The following PLA2R1 variants were observed in gnomAD, a reference collection of about 807,000 sequenced individuals.
The protein encoded by PLA2R1 is secretory phospholipase A2 receptor.
In PLA2R1, 158 loss-of-function variants were observed where a neutral mutation model predicts 195.9. The observed-to-expected ratio is 0.81, with a 90% CI of 0.71 to 0.92. PLA2R1 has a LOEUF of 0.92. Ranked by LOEUF, PLA2R1 falls within the 40% of genes least tolerant of loss-of-function variation. The pLI, the probability that PLA2R1 is intolerant of heterozygous loss-of-function variation, is 0.00. For missense variants in PLA2R1, 1,626 were observed against 1,764.6 expected (o/e 0.92, Z 1.41); for synonymous variants, 586 against 598.2 (o/e 0.98, Z 0.30).
intron 17 of PLA2R1, among the ~76,000 whole-genome samples, chr2:159,972,854 C>G (rs988023648): frequency 6.6e-6 from 1 of 152,130 alleles, no homozygotes. Context: ...TTCTGTTACT[C>G]AAAGAGTGGG....
chr2:159,956,640 G>T lies in PLA2R1; in HGVS notation c.2905-13C>A. The T allele has an allele frequency of 1.4e-6, 2 of 1,461,606 alleles. No homozygotes were observed. The highest frequency in any genetic ancestry group is 1.9e-6 in the Non-Finnish European group (2 of 1,040,922). 90.5% of individuals were successfully genotyped at this position (1,461,606 alleles called of 1,614,324 possible). ...TCAGCAGAAGGCACTATCAAAAAAT[G>T]TCAAAACAAAACATTCATTTCTGTA... On this transcript the variant is annotated splice_polypyrimidine_tract_variant and intron_variant, in intron 20 of 29. Coordinates refer to ENST00000283243, the MANE Select transcript of PLA2R1 (RefSeq NM_007366.5).
At chr2:160,031,912 G>A (rs1693874398) in intron 4 of PLA2R1, among the ~76,000 whole-genome samples, 1 of 152,114 alleles carries the variant, frequency 6.6e-6, no homozygotes, top group African/African-American at 2.4e-5. Context: ...GACTACGGGT[G>A]CATGCCACCA....
chr2:159,967,409 T>C (rs1688859547), intron 20 of PLA2R1, 130 bp downstream of exon 20: 2 of 684,342 alleles, frequency 2.9e-6, no homozygotes, highest in South Asian at 4.8e-5. Flanking sequence ...TTCTTGAAAG[T>C]TGTGACAAAA....
intron 7 of PLA2R1, among the ~76,000 whole-genome samples, 155 bp from the exon 8 acceptor site, chr2:160,020,418 G>A (rs891450100): frequency 4.6e-5 from 7 of 152,114 alleles, no homozygotes; most frequent in African/African-American, 1.7e-4. Flanking sequence ...TAAAATGTCT[G>A]TTTAAACATT....
intron 23 of PLA2R1, among the ~76,000 whole-genome samples, chr2:159,954,887 C>A (rs1225506260): frequency 6.6e-6 from 1 of 152,038 alleles, no homozygotes; most frequent in Non-Finnish European, 1.5e-5. Context: ...TTCTCAGTGA[C>A]CTTTAAAAAT....
At chr2:159,931,373 T>G, downstream of PLA2R1, among the ~76,000 whole-genome samples, 1 of 152,078 alleles carries the variant, frequency 6.6e-6, no homozygotes, top group Non-Finnish European at 1.5e-5. Context: ...CCACAAAAGT[T>G]TTTTTAAATA....
chr2:159,947,043 G>C, intron 26 of PLA2R1, 126 bp from the exon 27 acceptor site: 1 of 651,458 alleles, frequency 1.5e-6, no homozygotes. Context: ...TTATAAAGAA[G>C]AGACTTTAAA....
intron 12 of PLA2R1, 150 bp from the exon 13 acceptor site, chr2:159,984,223 T>G (rs1317784252): frequency 2.1e-6 from 1 of 483,282 alleles, no homozygotes; most frequent in Non-Finnish European, 3.7e-6. Flanking sequence ...TTTACTGAAT[T>G]AGAATGTGCC....
chr2:159,938,131 G>A lies in PLA2R1; in HGVS notation c.*3647C>T, dbSNP rs1686920064. ...ATGCTCCTGTATTCCTTAGGCATGTGTCCCCAGTTTGAGGACTTTTGACTT... is the reference window on the plus strand; with the variant it reads ...ATGCTCCTGTATTCCTTAGGCATGTATCCCCAGTTTGAGGACTTTTGACTT... On this transcript the variant is annotated 3_prime_UTR_variant, in exon 30 of 30. Coordinates refer to ENST00000283243, the MANE Select transcript of PLA2R1 (RefSeq NM_007366.5). The A allele has an allele frequency of 6.6e-6, 1 of 152,196 alleles. No individual in the cohort carries two copies. Among genetic ancestry groups the A allele is most frequent in the Admixed American group, 6.5e-5 (1 of 15,278 alleles). The allele number at this position is 152,196 out of a possible 1,614,324, so 9.4% of individuals were successfully genotyped here.
intron 1 of PLA2R1, 51 bp downstream of exon 1, chr2:160,062,244 C>G: frequency 7.7e-7 from 1 of 1,305,150 alleles, no homozygotes; most frequent in South Asian, 1.6e-5. Flanking sequence ...TCGACCACCC[C>G]GACCCCCCTC....
Position 159,987,207 on chromosome 2 carries a change from G to T in PLA2R1, c.1986C>A (p.His662Gln). Residue 662 changes from histidine (H) to glutamine (Q), a missense_variant, in exon 12 of 30, where the codon CAC becomes CAA. Transcript: ENST00000283243. ...CTGACTCCCAGTCCAAATAGCAGGG[G>T]TGAAAGGGCCATCTCTCTTCATACT... is the stretch of plus-strand genomic sequence containing the variant. ...KAEYEERWPFHPCYLDWESEP... is the reference protein window; with the variant it reads ...KAEYEERWPFQPCYLDWESEP... The T allele has an allele frequency of 6.2e-7, 1 of 1,613,946 alleles. No individual in the cohort carries two copies.
intron 1 of PLA2R1, among the ~76,000 whole-genome samples, chr2:160,052,915 G>A (rs1044178233): frequency 3.9e-5 from 6 of 152,110 alleles, no homozygotes; most frequent in African/African-American, 1.2e-4. Flanking sequence ...AGGTAGAAAT[G>A]TTAAAAAACA....
At chr2:160,013,559 T>C (rs1023870577) in intron 9 of PLA2R1, among the ~76,000 whole-genome samples, 184 bp from the exon 10 acceptor site, 4 of 152,184 alleles carry the variant, frequency 2.6e-5, no homozygotes, top group African/African-American at 9.6e-5. Context: ...TACACCCACT[T>C]CTACATTTAT....
intron 3 of PLA2R1, among the ~76,000 whole-genome samples, chr2:160,041,265 G>A (rs1175860351): frequency 6.6e-6 from 1 of 152,124 alleles, no homozygotes; most frequent in African/African-American, 2.4e-5. Flanking sequence ...TGTAAAAGCT[G>A]TACTCTGACT....
intron 11 of PLA2R1, among the ~76,000 whole-genome samples, chr2:159,992,011 T>TA (rs1177782210): frequency 7.9e-6 from 1 of 125,820 alleles, no homozygotes. Flanking sequence ...ATGGTATTTC[T>TA]AGTTCTAGAT....
Position 159,946,900 on chromosome 2 carries a change from T to C in PLA2R1, c.3868A>G (p.Ile1290Val), listed in dbSNP as rs1687420374. 8 of 1,606,472 alleles carry C rather than the reference T, an allele frequency of 5.0e-6. No homozygotes were observed. Among genetic ancestry groups the C allele is most frequent in the Non-Finnish European group, 6.8e-6 (8 of 1,175,376 alleles). The change falls in exon 27 of 30, where the codon ATC (isoleucine) becomes GTC (valine). Residue 1290 changes from isoleucine to valine, a missense_variant. By Grantham distance (29) the Ile-to-Val change is conservative. Transcript: ENST00000283243. ...CKKEGSNLLTIKDEAENAFLL... is the reference protein window; with the variant it reads ...CKKEGSNLLTVKDEAENAFLL... ...AATGCATTTTCAGCCTCATCCTTGA[T>C]TGTTAAAAGATTAGAACCTATAAGA...
At position 159,946,816 on chromosome 2, in the gene PLA2R1, G is replaced by T. The variant is rs1687415065; in HGVS notation, c.3952C>A (p.Gln1318Lys). The T allele has an allele frequency of 6.2e-7, 1 of 1,606,858 alleles. No homozygotes were observed. The highest frequency in any genetic ancestry group is 1.3e-5 in the African/African-American group (1 of 74,560). ...SSVQMVWLNA[Q>K]FDGNNETIKW... ...AATCACTTACTGTTACCATCAAATTGAGCATTCAACCAAACCATCTGGACA... is the reference window on the plus strand; with the variant it reads ...AATCACTTACTGTTACCATCAAATTTAGCATTCAACCAAACCATCTGGACA... The change falls in exon 27 of 30, where the codon CAA becomes AAA. Residue 1318 changes from glutamine to lysine, a missense_variant. By Grantham distance (53) the Gln-to-Lys change is moderately conservative. Transcript: ENST00000283243.
Position 160,028,974 on chromosome 2 carries a change from A to T in PLA2R1, c.842-11T>A. 1 of 1,431,530 alleles carries T rather than the reference A, an allele frequency of 7.0e-7. No individual in the cohort carries two copies. Among genetic ancestry groups the T allele is most frequent in the Non-Finnish European group, 9.9e-7 (1 of 1,010,250 alleles). 88.7% of individuals were successfully genotyped at this position (1,431,530 alleles called of 1,614,324 possible). On this transcript the variant is annotated splice_polypyrimidine_tract_variant and intron_variant, in intron 4 of 29. Transcript: ENST00000283243. Reference sequence around the variant, plus strand: ...TACTGCTCATGTGCTCTGAAATGAAAATTATGGAGCTTCAAAAAAAAAATC... The same window carrying T: ...TACTGCTCATGTGCTCTGAAATGAATATTATGGAGCTTCAAAAAAAAAATC...
chr2:160,042,803 G>A (rs1694606019), intron 2 of PLA2R1, among the ~76,000 whole-genome samples: 1 of 15,118 alleles, frequency 6.6e-5, no homozygotes, highest in African/African-American at 6.7e-4. Context: ...GTGTGTGCGT[G>A]TGTGTGTGTG....
Sources: gnomAD v4.1 joint callset for allele counts (sites outside exome capture counted in the v4.1 genomes callset) on GRCh38, gnomAD v4.1.1 for gene constraint, MANE v1.5 for transcripts, NCBI Gene and HGNC (gene_info 2026-07-23, HGNC 2026-07-21) for gene names.